METAP2: variants seen among roughly 807,000 people sequenced by gnomAD.
METAP2 encodes methionyl aminopeptidase 2.
In METAP2, 25 loss-of-function variants were observed where a neutral mutation model predicts 59.4. That is an observed-to-expected ratio of 0.42 (90% CI 0.31 to 0.59). The LOEUF (loss-of-function observed/expected upper bound fraction) is 0.59. Among genes scored for constraint, METAP2 ranks in the 20% least tolerant of loss-of-function variants. The probability of loss-of-function intolerance (pLI) is 0.16; values close to 1 mark genes in which losing one functional copy is unlikely to be tolerated. For missense variants in METAP2, 366 were observed against 581.2 expected, an observed-to-expected ratio of 0.63 and a Z score of 3.81; for synonymous variants, 214 against 194.1, an observed-to-expected ratio of 1.10 and a Z score of -0.85.
chr12:95,513,754 G>C lies in METAP2; in HGVS notation c.1287G>C (p.Leu429Phe), dbSNP rs1424628252. The C allele has an allele frequency of 3.1e-6, 5 of 1,614,070 alleles. No homozygotes were observed. Among genetic ancestry groups the C allele is most frequent in the African/African-American group, 1.3e-5 (1 of 74,920 alleles). Reference protein sequence around the residue: ...WLDRLGESKYLMALKNLCDLG... With the variant: ...WLDRLGESKYFMALKNLCDLG... ...ATCGCTTGGGAGAAAGTAAATACTT[G>C]ATGGCTCTGAAGAATCTGTGTGACT... Residue 429 changes from leucine to phenylalanine, a missense_variant, in exon 11 of 11, where the codon TTG (leucine) becomes TTC (phenylalanine). Coordinates refer to ENST00000323666, the MANE Select transcript of METAP2 (RefSeq NM_006838.4).
chr12:95,483,145 T>C lies in METAP2; in HGVS notation c.260-70T>C, dbSNP rs79344080. 6,860 of 1,112,636 alleles carry C rather than the reference T, an allele frequency of 6.2e-3. 270 individuals carry two copies. In the African/African-American group the frequency reaches 0.093, roughly 15 times the overall value. The allele number at this position is 1,112,636 out of a possible 1,614,324, so 68.9% of individuals were successfully genotyped here. Reference sequence around the variant, plus strand: ...TTATTGAATAGAGCAAATACTTGTCTCCTTGTACTTGCTTTGTCCCTCTGC... The same window carrying C: ...TTATTGAATAGAGCAAATACTTGTCCCCTTGTACTTGCTTTGTCCCTCTGC... On this transcript the variant is annotated intron_variant, in intron 2 of 10. Coordinates refer to ENST00000323666, the MANE Select transcript of METAP2 (RefSeq NM_006838.4).
chr12:95,486,232 CA>C (rs1395589483), intron 4 of METAP2, among the ~76,000 whole-genome samples: 1 of 152,050 alleles, frequency 6.6e-6, no homozygotes, highest in Non-Finnish European at 1.5e-5. Flanking sequence ...TTAACTTAAA[CA>C]AATTTGTTTT....
intron 4 of METAP2, among the ~76,000 whole-genome samples, chr12:95,487,824 G>A (rs977608572): frequency 5.9e-5 from 9 of 152,082 alleles, no homozygotes; most frequent in Non-Finnish European, 1.2e-4. Context: ...AAGTCAATTA[G>A]AATAGTTCTA....
intron 8 of METAP2, among the ~76,000 whole-genome samples, 200 bp downstream of exon 8, chr12:95,504,361 A>G (rs1438689141): frequency 2.6e-5 from 4 of 152,202 alleles, no homozygotes; most frequent in Non-Finnish European, 5.9e-5. Context: ...AGCTGATAAG[A>G]AAACACCTGA....
chr12:95,495,504 C>T (rs780688615), intron 6 of METAP2, among the ~76,000 whole-genome samples: 8 of 152,134 alleles, frequency 5.3e-5, no homozygotes, highest in Middle Eastern at 3.4e-3. Flanking sequence ...GTTTATCAGC[C>T]TTAATATACA....
intron 4 of METAP2, among the ~76,000 whole-genome samples, chr12:95,487,551 A>G (rs1482756905): frequency 6.6e-6 from 1 of 151,412 alleles, no homozygotes; most frequent in African/African-American, 2.4e-5. Context: ...CTTATAGTAC[A>G]TATGATGTGA....
chr12:95,499,386 CTG>C (rs2076299265), intron 7 of METAP2, among the ~76,000 whole-genome samples: 2 of 152,270 alleles, frequency 1.3e-5, no homozygotes, highest in South Asian at 4.2e-4. Context: ...AGCAGTCCTC[CTG>C]CCTCAGCCTC....
At chr12:95,491,602 C>T (rs2076238031) in intron 4 of METAP2, among the ~76,000 whole-genome samples, 1 of 150,642 alleles carries the variant, frequency 6.6e-6, no homozygotes, top group South Asian at 2.1e-4. Context: ...CCTCTGCCTC[C>T]CAGGCTCAAG....
At chr12:95,492,482 T>G (rs1481951397) in intron 4 of METAP2, among the ~76,000 whole-genome samples, 1 of 152,120 alleles carries the variant, frequency 6.6e-6, no homozygotes, top group African/African-American at 2.4e-5. Context: ...GTTAATAACT[T>G]TCTATCTGAA....
At chr12:95,504,029 C>A in intron 7 of METAP2, 36 bp from the exon 8 acceptor site, 1 of 1,529,192 alleles carries the variant, frequency 6.5e-7, no homozygotes, top group Admixed American at 2.0e-5. Flanking sequence ...AAATTTTGCA[C>A]TTTGAATAAT....
intron 7 of METAP2, among the ~76,000 whole-genome samples, chr12:95,501,974 C>G (rs1594431323): frequency 6.6e-6 from 1 of 150,500 alleles, no homozygotes; most frequent in East Asian, 1.9e-4. Flanking sequence ...TTAATTTCCC[C>G]CTCACTTTTT....
chr12:95,489,829 ACT>A lies in METAP2; in HGVS notation c.428+3851_428+3852del, dbSNP rs1469884494. ...CTCCAGCCTGGGCAACAAGAGTGAA[ACT>A]CTGTCTCAGAAAAAAACCCAAAAAA... On this transcript the variant is annotated intron_variant, in intron 4 of 10. Transcript: ENST00000323666. 2.0e-5 allele frequency among the ~76,000 whole-genome samples: 3 copies of A among 152,092 alleles called. 1 individual carries two copies. Among genetic ancestry groups the A allele is most frequent in the Non-Finnish European group, 4.4e-5 (3 of 68,010 alleles).
At chr12:95,504,032 T>G in intron 7 of METAP2, 33 bp from the exon 8 acceptor site, 4 of 1,545,056 alleles carry the variant, frequency 2.6e-6, no homozygotes, top group Non-Finnish European at 3.5e-6. Context: ...TTTTGCACTT[T>G]GAATAATAAA....
chr12:95,487,640 C>T (rs1366338239), intron 4 of METAP2, among the ~76,000 whole-genome samples: 2 of 150,598 alleles, frequency 1.3e-5, no homozygotes, highest in East Asian at 3.9e-4. Context: ...CCTTCCAGAC[C>T]CATGTTAACC....
intron 8 of METAP2, among the ~76,000 whole-genome samples, chr12:95,509,994 G>A (rs557673478): frequency 4.6e-4 from 70 of 151,780 alleles, no homozygotes; most frequent in African/African-American, 1.5e-3. Context: ...GTGTCACCAC[G>A]CCCAGCTAAT....
chr12:95,505,631 A>G (rs2076353014), intron 8 of METAP2, among the ~76,000 whole-genome samples: 1 of 152,054 alleles, frequency 6.6e-6, no homozygotes, highest in South Asian at 2.1e-4. Flanking sequence ...AGTAGCTGAG[A>G]TTACAGACGT....
At chr12:95,511,262 A>G (rs2076399469) in intron 8 of METAP2, among the ~76,000 whole-genome samples, 1 of 151,626 alleles carries the variant, frequency 6.6e-6, no homozygotes, top group Non-Finnish European at 1.5e-5. Context: ...TGTATTTTTT[A>G]TGTTTCTAAT....
intron 10 of METAP2, among the ~76,000 whole-genome samples, chr12:95,513,370 A>G (rs907558393): frequency 6.6e-6 from 1 of 152,180 alleles, no homozygotes; most frequent in African/African-American, 2.4e-5. Context: ...AATACCCTGT[A>G]GTAGGTCTCT....
intron 4 of METAP2, among the ~76,000 whole-genome samples, chr12:95,490,271 A>G (rs1463171281): frequency 1.4e-5 from 2 of 142,348 alleles, no homozygotes; most frequent in Non-Finnish European, 3.1e-5. Flanking sequence ...CCGGCATAGT[A>G]GTTTTTTTTT....
Sources: gnomAD v4.1 joint callset for allele counts (sites outside exome capture counted in the v4.1 genomes callset) on GRCh38, gnomAD v4.1.1 for gene constraint, MANE v1.5 for transcripts, NCBI Gene and HGNC (gene_info 2026-07-23, HGNC 2026-07-21) for gene names.